PLCH2: variants seen among roughly 807,000 people sequenced by gnomAD.
PLCH2 encodes the protein phospholipase C eta 2, also known as 1-phosphatidylinositol 4,5-bisphosphate phosphodiesterase eta-2.
In PLCH2, 98 loss-of-function variants were observed where a neutral mutation model predicts 134.7. The observed-to-expected ratio is 0.73, with a 90% CI of 0.62 to 0.86. The LOEUF is 0.86. Ranked by LOEUF, PLCH2 falls within the 40% of genes least tolerant of loss-of-function variation. PLCH2 has a pLI of 0.00. For missense variants in PLCH2, 1,994 were observed against 1,986.6 expected, an observed-to-expected ratio of 1.00 and a Z score of -0.07; for synonymous variants, 974 against 827.5, an observed-to-expected ratio of 1.18 and a Z score of -3.04.
At position 2,504,015 on chromosome 1, in the gene PLCH2, C is replaced by CA. The variant is rs1231837939; in HGVS notation, c.3054dup (p.Pro1019ThrfsTer31). 6.5e-7 allele frequency: 1 copy of CA among 1,529,870 alleles called. No individual in the cohort carries two copies. The highest frequency in any genetic ancestry group is 8.9e-7 in the Non-Finnish European group (1 of 1,129,140). The allele number at this position is 1,529,870 out of a possible 1,614,324, so 94.8% of individuals were successfully genotyped here. ...CCCGCCCCAGGCCCTGGTCCCCCGCCACCAGCGGCTGTCCCCACCAGCTCT... is the reference window on the plus strand; with the variant it reads ...CCCGCCCCAGGCCCTGGTCCCCCGCCAACCAGCGGCTGTCCCCACCAGCTCT... On this transcript the variant is annotated frameshift_variant, in exon 22 of 22. Coordinates refer to ENST00000378486, the MANE Select transcript of PLCH2 (RefSeq NM_014638.4). LOFTEE classifies it high-confidence loss of function.
At chr1:2,422,383 C>T (rs1346790907), upstream of PLCH2, among the ~76,000 whole-genome samples, 1 of 152,210 alleles carries the variant, frequency 6.6e-6, no homozygotes, top group Non-Finnish European at 1.5e-5. Flanking sequence ...AGAAGAGGGA[C>T]GTGGCTTTGC....
chr1:2,425,809 C>G (rs1638765124), upstream of PLCH2, among the ~76,000 whole-genome samples: 2 of 151,860 alleles, frequency 1.3e-5, no homozygotes, highest in Admixed American at 1.3e-4. Context: ...AGGAGTGAGG[C>G]ACTGCGCTGG....
Position 2,502,323 on chromosome 1 carries a change from G to A in PLCH2, c.2873G>A (p.Gly958Glu), listed in dbSNP as rs1259620164. The part of the protein sequence containing the change: ...VLGTRDTGSK[G>E]VADDVVPPGP... ...GGTACACGGGACACAGGCTCCAAGG[G>A]GGTGGCAGACGATGTGGTGCCCCCC... Residue 958 changes from glycine (G) to glutamate (E), a missense_variant, in exon 21 of 22, where the codon GGG becomes GAG. Around this residue, in one of 2 missense-constraint regions of PLCH2, gnomAD observed 900 missense variants for 752.3 expected, o/e 1.20. Coordinates refer to ENST00000378486, the MANE Select transcript of PLCH2 (RefSeq NM_014638.4). 2.0e-6 allele frequency: 3 copies of A among 1,536,058 alleles called. No homozygotes were observed. Among genetic ancestry groups the A allele is most frequent in the Non-Finnish European group, 2.6e-6 (3 of 1,141,814 alleles).
chr1:2,438,361 C>T (rs1204427242), intron 2 of PLCH2, among the ~76,000 whole-genome samples: 1 of 152,148 alleles, frequency 6.6e-6, no homozygotes, highest in Admixed American at 6.5e-5. Context: ...CCCTTGGCAC[C>T]CCTGGGGCAT....
Position 2,448,430 on chromosome 1 carries a change from C to T in PLCH2, c.115+17801C>T, listed in dbSNP as rs1257797510. Among the ~76,000 whole-genome samples, 2 of 152,194 alleles carry T rather than the reference C, an allele frequency of 1.3e-5. No homozygotes were observed. Among genetic ancestry groups the T allele is most frequent in the Non-Finnish European group, 2.9e-5 (2 of 68,030 alleles). On this transcript the variant is annotated intron_variant, in intron 2 of 3. Transcript: ENST00000609981. The surrounding 1 kb of genome is among the most constrained non-coding windows in gnomAD (Gnocchi z 4.0). ...TGCCTGTCTTCCCTCGCCCTTCTCT[C>T]CGTCTTCTCTTGCGCCTCGAGTCTC...
In PLCH2 at chr1:2,448,768, C is replaced by G. The variant is rs564467321; in HGVS notation, c.115+18139C>G. 7.9e-5 allele frequency among the ~76,000 whole-genome samples: 12 copies of G among 152,196 alleles called. No homozygotes were observed. Among genetic ancestry groups the G allele is most frequent in the African/African-American group, 2.9e-4 (12 of 41,528 alleles). On this transcript the variant is annotated intron_variant, in intron 2 of 3. Coordinates refer to the PLCH2 transcript ENST00000609981. The surrounding 1 kb of genome is among the most constrained non-coding windows in gnomAD (Gnocchi z 4.0). ...GCCTCCTGGCTCCCCACCATCCAGTCTCTCCCTGGGTGGGGTCCTGGCTCC... is the reference window on the plus strand; with the variant it reads ...GCCTCCTGGCTCCCCACCATCCAGTGTCTCCCTGGGTGGGGTCCTGGCTCC...
chr1:2,472,291 G>A (rs1452583965), upstream of PLCH2, among the ~76,000 whole-genome samples: 1 of 152,174 alleles, frequency 6.6e-6, no homozygotes, highest in African/African-American at 2.4e-5. Context: ...GCCAGTCCAG[G>A]GGCCCGGCTG....
Position 2,499,643 on chromosome 1 carries a change from TAC to T in PLCH2, c.2586_2587del (p.Tyr862Ter). The T allele has an allele frequency of 1.9e-6, 3 of 1,599,386 alleles. No individual in the cohort carries two copies. Among genetic ancestry groups the T allele is most frequent in the Non-Finnish European group, 2.6e-6 (3 of 1,173,346 alleles). On this transcript the variant is annotated frameshift_variant, in exon 20 of 22. Coordinates refer to ENST00000378486, the MANE Select transcript of PLCH2 (RefSeq NM_014638.4). LOFTEE classifies it high-confidence loss of function. ...TLAFSSMMPGYRHVYLEGMEE... is the reference protein window; with the variant it reads ...TLAFSSMMPGXRHVYLEGMEE... ...CCTGCTGACCCACACTGCTCCAGGC[TAC>T]AGACACGTGTACCTAGAAGGGATGG...
chr1:2,487,073 C>A, intron 6 of PLCH2, 73 bp downstream of exon 6: 2 of 1,508,808 alleles, frequency 1.3e-6, no homozygotes, highest in South Asian at 1.2e-5. Flanking sequence ...ACCTGTGGGC[C>A]GGGACAGGTG....
In PLCH2 at chr1:2,504,060, A is replaced by T. The variant is rs1433142635; in HGVS notation, c.3098A>T (p.Tyr1033Phe). ...PTSSSQGRPP[Y>F]PTGPGANVAS... ...AGCTCTTCTCAGGGACGGCCCCCAT[A>T]CCCCACAGGACCCGGAGCCAATGTG... Residue 1033 changes from tyrosine (Y) to phenylalanine (F), a missense_variant, in exon 22 of 22, where the codon TAC becomes TTC. Tyr to Phe is a conservative substitution (Grantham distance 22, BLOSUM62 3). This residue lies in a region of PLCH2 where 900 missense variants were observed against 752.3 expected (regional missense o/e 1.20). Coordinates refer to ENST00000378486, the MANE Select transcript of PLCH2 (RefSeq NM_014638.4). The T allele has an allele frequency of 6.5e-7, 1 of 1,545,722 alleles. No individual in the cohort carries two copies. The highest frequency in any genetic ancestry group is 2.0e-5 in the Admixed American group (1 of 50,242).
At chr1:2,459,422 TTGCC>T (rs1640668038) in intron 2 of PLCH2, among the ~76,000 whole-genome samples, 1 of 78,350 alleles carries the variant, frequency 1.3e-5, no homozygotes, top group African/African-American at 4.5e-5. Context: ...GTGGTCCTCC[TTGCC>T]GGTGGTCCTC....
At chr1:2,436,607 G>T (rs1639436511) in intron 2 of PLCH2, among the ~76,000 whole-genome samples, 1 of 146,706 alleles carries the variant, frequency 6.8e-6, no homozygotes, top group Admixed American at 6.8e-5. Context: ...TCCCTCCAAG[G>T]TCAGTGGTGA....
rs182718664 is a variant in PLCH2, at chr1:2,448,431, C to T, written c.115+17802C>T. On this transcript the variant is annotated intron_variant, in intron 2 of 3. Coordinates refer to the PLCH2 transcript ENST00000609981. The surrounding 1 kb of genome is among the most constrained non-coding windows in gnomAD (Gnocchi z 4.0). ...GCCTGTCTTCCCTCGCCCTTCTCTC[C>T]GTCTTCTCTTGCGCCTCGAGTCTCC... Among the ~76,000 whole-genome samples, 17 of 152,272 alleles carry T rather than the reference C, an allele frequency of 1.1e-4. No homozygotes were observed. In the East Asian group the frequency reaches 2.9e-3, roughly 26 times the overall value.
In PLCH2 at chr1:2,498,692, CGGG is replaced by C; in HGVS notation, c.2349+46_2349+48del. 1 of 663,492 alleles carries C rather than the reference CGGG, an allele frequency of 1.5e-6. No homozygotes were observed. Among genetic ancestry groups the C allele is most frequent in the Non-Finnish European group, 2.3e-6 (1 of 437,440 alleles). The allele number at this position is 663,492 out of a possible 1,614,324, so 41.1% of individuals were successfully genotyped here. On this transcript the variant is annotated intron_variant, in intron 17 of 21. Coordinates refer to ENST00000378486, the MANE Select transcript of PLCH2 (RefSeq NM_014638.4). The surrounding 1 kb of genome is among the most constrained non-coding windows in gnomAD (Gnocchi z 5.4). Reference sequence around the variant, plus strand: ...AGGCGGGAGGGGTGGGAGTTGGGGGCGGGCCGGGCATCGCGATGGGCCCTGATG... The same window carrying C: ...AGGCGGGAGGGGTGGGAGTTGGGGGCCCGGGCATCGCGATGGGCCCTGATG...
At chr1:2,471,803 G>C (rs1401765942), upstream of PLCH2, among the ~76,000 whole-genome samples, 2 of 152,174 alleles carry the variant, frequency 1.3e-5, no homozygotes, top group African/African-American at 4.8e-5. Context: ...AGCCACCCAA[G>C]GGGGCAGAAC....
At chr1:2,466,745 C>G (rs1353476370), upstream of PLCH2, among the ~76,000 whole-genome samples, 2 of 152,246 alleles carry the variant, frequency 1.3e-5, no homozygotes, top group African/African-American at 4.8e-5. Context: ...TGTTACGTCC[C>G]TCAGATGCTG....
At chr1:2,480,408 A>C in intron 4 of PLCH2, 96 bp downstream of exon 4, 1 of 1,392,332 alleles carries the variant, frequency 7.2e-7, no homozygotes, top group Non-Finnish European at 9.9e-7. Context: ...ACTGAGCTGG[A>C]GGGGACCCTG....
rs377587262 is a variant in PLCH2 at position 2,487,617 on chromosome 1, C to G, written c.1134C>G (p.Pro378=). 30 of 1,612,908 alleles carry G rather than the reference C, an allele frequency of 1.9e-5. No individual in the cohort carries two copies. Among genetic ancestry groups the G allele is most frequent in the Non-Finnish European group, 2.5e-5 (30 of 1,179,758 alleles). The change falls in exon 8 of 22, where the codon CCC becomes CCG. Residue 378 remains proline, a synonymous_variant. Coordinates refer to ENST00000378486, the MANE Select transcript of PLCH2 (RefSeq NM_014638.4). ...RCVEVDCWDG[P]DGEPIVHHGY... Reference sequence around the variant, plus strand: ...CTGCAGTGGACTGCTGGGATGGGCCCGACGGGGAGCCCATTGTGCACCATG... The same window carrying G: ...CTGCAGTGGACTGCTGGGATGGGCCGGACGGGGAGCCCATTGTGCACCATG...
At chr1:2,416,074 C>T in the PLCH2 span, among the ~76,000 whole-genome samples, 16 of 152,260 alleles carry the variant, frequency 1.1e-4, no homozygotes, top group East Asian at 1.2e-3. Flanking sequence ...GGTGATCTGA[C>T]GCACCAGCAG....
Sources: allele counts gnomAD v4.1 joint callset (sites outside exome capture counted in the v4.1 genomes callset), GRCh38; gene constraint gnomAD v4.1.1; regional missense constraint gnomAD v4.1.1; non-coding constraint Gnocchi (gnomAD v3.1); transcripts MANE v1.5; gene names NCBI Gene and HGNC (gene_info 2026-07-23, HGNC 2026-07-21).